SPIRE1: variants seen among roughly 807,000 people sequenced by gnomAD.
SPIRE1 encodes the protein spire type actin nucleation factor 1.
Under a neutral mutation model 94.1 loss-of-function variants are expected in SPIRE1, and 40 were observed. The ratio of observed to expected loss-of-function variants is 0.43; its 90% confidence interval spans 0.33 to 0.55. The LOEUF is 0.55. SPIRE1 is among the 20% of genes least tolerant of loss of function. The pLI, the probability that SPIRE1 is intolerant of heterozygous loss-of-function variation, is 0.06. For synonymous variants in SPIRE1, 376 were observed against 371.7 expected (o/e 1.01, Z -0.13); for missense variants, 838 against 975.2 (o/e 0.86, Z 1.87).
At chr18:12,563,532 T>C (rs1567936635) in intron 2 of SPIRE1, among the ~76,000 whole-genome samples, 1 of 152,216 alleles carries the variant, frequency 6.6e-6, no homozygotes, top group Non-Finnish European at 1.5e-5. Context: ...TTATGAGATA[T>C]TCCAATTATT....
intron 9 of SPIRE1, among the ~76,000 whole-genome samples, chr18:12,484,637 A>C (rs1447144327): frequency 6.6e-6 from 1 of 152,224 alleles, no homozygotes; most frequent in Non-Finnish European, 1.5e-5. Context: ...ATTCTATGGC[A>C]TTTAAAAGAA....
chr18:12,523,690 A>AT (rs1053823775), intron 4 of SPIRE1, among the ~76,000 whole-genome samples: 24 of 151,062 alleles, frequency 1.6e-4, no homozygotes, highest in African/African-American at 3.9e-4. Context: ...TTTTATTCTT[A>AT]TTTTTTTTTG....
chr18:12,538,800 C>T (rs1248293488), intron 3 of SPIRE1, among the ~76,000 whole-genome samples: 1 of 152,156 alleles, frequency 6.6e-6, no homozygotes, highest in Non-Finnish European at 1.5e-5. Flanking sequence ...GTGTGTGGCA[C>T]CATGCCCAGC....
At chr18:12,589,544 C>T (rs940773826) in intron 2 of SPIRE1, among the ~76,000 whole-genome samples, 4 of 152,142 alleles carry the variant, frequency 2.6e-5, no homozygotes, top group African/African-American at 9.7e-5. Flanking sequence ...AAAATGTTTT[C>T]CCTCAGTACC....
At chr18:12,476,584 T>TACAC (rs2032604044) in intron 10 of SPIRE1, among the ~76,000 whole-genome samples, 1 of 117,642 alleles carries the variant, frequency 8.5e-6, no homozygotes, top group African/African-American at 3.0e-5. Context: ...TATATATATA[T>TACAC]ATATACACAC....
intron 2 of SPIRE1, among the ~76,000 whole-genome samples, chr18:12,610,599 T>C (rs945081970): frequency 1.3e-5 from 2 of 152,146 alleles, no homozygotes; most frequent in East Asian, 1.9e-4. Context: ...CACCTGCATT[T>C]GTATAGCTGA....
chr18:12,472,646 G>A (rs1463245740), intron 10 of SPIRE1, among the ~76,000 whole-genome samples: 2 of 151,546 alleles, frequency 1.3e-5, no homozygotes, highest in African/African-American at 4.9e-5. Flanking sequence ...TGGGATTACA[G>A]GTGTGAGTCA....
Position 12,453,072 on chromosome 18 carries a change from TA to T in SPIRE1, c.1842del (p.Cys614Ter). 6.3e-7 allele frequency: 1 copy of T among 1,580,586 alleles called. No homozygotes were observed. Among genetic ancestry groups the T allele is most frequent in the Admixed American group, 2.0e-5 (1 of 50,870 alleles). On this transcript the variant is annotated frameshift_variant, in exon 14 of 17. Coordinates refer to ENST00000409402, the MANE Select transcript of SPIRE1 (RefSeq NM_001128626.2). LOFTEE classifies it high-confidence loss of function. ...ATCAATTACAAAATACCTTACCTCT[TA>T]CAGAACTGACAGGTATAAGACCAAG... ...FFTWSYTCQFCKRPVCSQCCK... is the reference protein window; with the variant it reads ...FFTWSYTCQFXKRPVCSQCCK...
chr18:12,461,715 A>T (rs1232512632), intron 12 of SPIRE1, among the ~76,000 whole-genome samples: 1 of 151,762 alleles, frequency 6.6e-6, no homozygotes, highest in African/African-American at 2.4e-5. Flanking sequence ...GTGGCATCAA[A>T]CTCCTAGGCT....
rs184068369 is a variant in SPIRE1 at position 12,617,080 on chromosome 18, G to A, written c.372+17982C>T. Among the ~76,000 whole-genome samples the A allele has an allele frequency of 3.4e-3, 508 of 150,258 alleles. 2 individuals carry two copies. The highest frequency in any genetic ancestry group is 7.2e-3 in the Middle Eastern group (2 of 276). ...TCACTATGTTGGCCAGGCTGGTCTTGGACTCCTGACCTCAAGTGATCCTCC... is the reference window on the plus strand; with the variant it reads ...TCACTATGTTGGCCAGGCTGGTCTTAGACTCCTGACCTCAAGTGATCCTCC... On this transcript the variant is annotated intron_variant, in intron 2 of 16. Transcript: ENST00000409402.
intron 16 of SPIRE1, chr18:12,450,986 G>A: frequency 3.4e-6 from 2 of 590,820 alleles, no homozygotes; most frequent in Non-Finnish European, 6.2e-6. Context: ...AAAGGTGGAA[G>A]AGGAAGATGA....
Position 12,575,434 on chromosome 18 carries a change from T to C in SPIRE1, c.373-28530A>G, listed in dbSNP as rs187334739. Among the ~76,000 whole-genome samples the C allele has an allele frequency of 4.9e-4, 75 of 152,310 alleles. 1 individual carries two copies. The highest frequency in any genetic ancestry group is 1.7e-3 in the African/African-American group (69 of 41,570). On this transcript the variant is annotated intron_variant, in intron 2 of 16. Transcript: ENST00000409402. ...AGGGTGGGGTGCAGTAGCATGATCA[T>C]AGCTCACTATAACATCAAATCCCTG...
intron 1 of SPIRE1, among the ~76,000 whole-genome samples, chr18:12,640,261 TA>T (rs1204156788): frequency 6.6e-6 from 1 of 152,204 alleles, no homozygotes; most frequent in Non-Finnish European, 1.5e-5. Context: ...CTGGAACTTT[TA>T]AGATAAATGG....
At chr18:12,519,091 G>A (rs2034284443) in intron 4 of SPIRE1, among the ~76,000 whole-genome samples, 1 of 152,164 alleles carries the variant, frequency 6.6e-6, no homozygotes. Flanking sequence ...CTGAGGGGTG[G>A]ATGGTGGCCA....
At position 12,464,939 on chromosome 18, in the gene SPIRE1, G is replaced by T. The variant is rs764669806; in HGVS notation, c.1424C>A (p.Ser475Ter). 6.2e-7 allele frequency: 1 copy of T among 1,613,984 alleles called. No individual in the cohort carries two copies. Among genetic ancestry groups the T allele is most frequent in the South Asian group, 1.1e-5 (1 of 91,040 alleles). The change falls in exon 11 of 17, where the codon TCG becomes TAG. Residue 475 changes from serine to a stop codon, truncating the protein, a stop_gained. Coordinates refer to ENST00000409402, the MANE Select transcript of SPIRE1 (RefSeq NM_001128626.2). LOFTEE classifies it high-confidence loss of function. The part of the protein sequence containing the change: ...SESEEETLHK[S>*]TSSSSVSPSF... Reference sequence around the variant, plus strand: ...GGGAGACACGCTGCTGCTGCTGGTCGACTTGTGCAGCGTTTCTTCCTGAGC... The same window carrying T: ...GGGAGACACGCTGCTGCTGCTGGTCTACTTGTGCAGCGTTTCTTCCTGAGC...
chr18:12,520,711 T>G (rs1022349340), intron 4 of SPIRE1, among the ~76,000 whole-genome samples: 3 of 152,116 alleles, frequency 2.0e-5, no homozygotes, highest in Non-Finnish European at 4.4e-5. Flanking sequence ...TGTTCACCAC[T>G]TGGAGGGATA....
chr18:12,592,770 C>G (rs955597928), intron 2 of SPIRE1, among the ~76,000 whole-genome samples: 1 of 152,206 alleles, frequency 6.6e-6, no homozygotes, highest in Non-Finnish European at 1.5e-5. Context: ...GACAACCAAC[C>G]CATCCTCACC....
intron 10 of SPIRE1, among the ~76,000 whole-genome samples, chr18:12,469,865 C>A (rs2032282677): frequency 6.6e-6 from 1 of 150,694 alleles, no homozygotes; most frequent in Admixed American, 6.7e-5. Context: ...AGGGTGCATT[C>A]TCTATTTAAA....
At chr18:12,450,757 A>G (rs780379913) in intron 16 of SPIRE1, 347 of 704,544 alleles carry the variant, frequency 4.9e-4, no homozygotes, top group Non-Finnish European at 7.7e-4. Context: ...TGCTCTGTTC[A>G]GAATTCCACC....
Sources: allele counts gnomAD v4.1 joint callset (sites outside exome capture counted in the v4.1 genomes callset), GRCh38; gene constraint gnomAD v4.1.1; transcripts MANE v1.5; gene names NCBI Gene and HGNC (gene_info 2026-07-23, HGNC 2026-07-21).